The following CYFIP2 variants were observed in gnomAD, a reference collection of about 807,000 sequenced individuals.
The protein encoded by CYFIP2 is cytoplasmic FMR1 interacting protein 2.
Under a neutral mutation model 158.7 loss-of-function variants are expected in CYFIP2, and 29 were observed. The observed-to-expected ratio is 0.18, with a 90% CI of 0.14 to 0.25. The LOEUF is 0.25. Ranked by LOEUF, CYFIP2 falls within the 10% of genes least tolerant of loss-of-function variation. CYFIP2 has a pLI of 1.00. For missense variants in CYFIP2, 852 were observed against 1,639.5 expected (o/e 0.52, Z 8.29); for synonymous variants, 585 against 617.6 (o/e 0.95, Z 0.78).
chr5:157,326,330 C>A, intron 18 of CYFIP2, 63 bp downstream of exon 18: 2 of 1,366,506 alleles, frequency 1.5e-6, no homozygotes, highest in South Asian at 1.2e-5. Context: ...CTTTTCCAGT[C>A]TTTTGCTATT....
At chr5:157,365,556 A>G (rs1015762994) in intron 26 of CYFIP2, 2 of 152,068 alleles carry the variant, frequency 1.3e-5, no homozygotes, top group African/African-American at 4.8e-5. Context: ...GTTTCAATTA[A>G]TGTATTACAG....
At chr5:157,389,815 C>T (rs1420745695) in intron 29 of CYFIP2, among the ~76,000 whole-genome samples, 1 of 152,142 alleles carries the variant, frequency 6.6e-6, no homozygotes, top group Non-Finnish European at 1.5e-5. Context: ...GAGGAGGCTT[C>T]CTGGAGAAAG....
intron 16 of CYFIP2, among the ~76,000 whole-genome samples, chr5:157,324,538 A>G (rs755337966): frequency 6.6e-6 from 1 of 152,220 alleles, no homozygotes; most frequent in Non-Finnish European, 1.5e-5. Context: ...TCTCAGGAAC[A>G]TGAGTCTTCA....
At position 157,319,920 on chromosome 5, in the gene CYFIP2, C is replaced by G. The variant is rs770610650; in HGVS notation, c.1515C>G (p.Val505=). 2 of 1,613,938 alleles carry G rather than the reference C, an allele frequency of 1.2e-6. No homozygotes were observed. Among genetic ancestry groups the G allele is most frequent in the Admixed American group, 3.3e-5 (2 of 60,026 alleles). The part of the protein sequence containing the change: ...LRQAVRKKKN[V]LISVLQAIRK... Reference sequence around the variant, plus strand: ...AGGCGGTACGGAAGAAGAAGAATGTCCTCATCAGGTGGGTTTTCAGATGCC... The same window carrying G: ...AGGCGGTACGGAAGAAGAAGAATGTGCTCATCAGGTGGGTTTTCAGATGCC... Residue 505 remains valine (V), a synonymous_variant, in exon 14 of 31, where the codon GTC becomes GTG. Transcript: ENST00000620254.
chr5:157,298,085 G>T (rs1427947843), intron 5 of CYFIP2, among the ~76,000 whole-genome samples: 4 of 152,168 alleles, frequency 2.6e-5, no homozygotes, highest in African/African-American at 7.2e-5. Context: ...CTCAATCGGG[G>T]CCATCATTTC....
chr5:157,373,339 T>C (rs1765166388), intron 26 of CYFIP2, among the ~76,000 whole-genome samples: 1 of 152,192 alleles, frequency 6.6e-6, no homozygotes, highest in Non-Finnish European at 1.5e-5. Context: ...TTGTTGACAT[T>C]TACGACCTTG....
chr5:157,268,874 G>A (rs1755844611), intron 1 of CYFIP2, among the ~76,000 whole-genome samples: 1 of 152,200 alleles, frequency 6.6e-6, no homozygotes, highest in Admixed American at 6.5e-5. Context: ...GAGAAGGGGG[G>A]CAGGCTGCTG....
intron 26 of CYFIP2, among the ~76,000 whole-genome samples, chr5:157,379,159 G>T (rs1254979762): frequency 6.6e-6 from 1 of 151,982 alleles, no homozygotes; most frequent in East Asian, 1.9e-4. Flanking sequence ...GGAAAGATGA[G>T]ATTTTATCTC....
At chr5:157,284,802 C>G (rs983861603) in intron 1 of CYFIP2, among the ~76,000 whole-genome samples, 3 of 152,176 alleles carry the variant, frequency 2.0e-5, no homozygotes, top group Non-Finnish European at 4.4e-5. Flanking sequence ...GGTTGATTTG[C>G]AGGAATTGAG....
rs576683455 is a variant in CYFIP2, at chr5:157,376,774, C to T, written c.3040-5816C>T. The T allele has an allele frequency of 1.5e-5, 6 of 406,582 alleles. No homozygotes were observed. In the East Asian group the frequency reaches 4.7e-4, roughly 32 times the overall value. 25.2% of individuals were successfully genotyped at this position (406,582 alleles called of 1,614,324 possible). On this transcript the variant is annotated intron_variant, in intron 26 of 30. Transcript: ENST00000620254. ...ATGCAAACCTTGCACTTGCACAGTTCCTTTCCCCTGGGGTCAGCCTCCATC... is the reference window on the plus strand; with the variant it reads ...ATGCAAACCTTGCACTTGCACAGTTTCTTTCCCCTGGGGTCAGCCTCCATC...
intron 1 of CYFIP2, among the ~76,000 whole-genome samples, chr5:157,267,392 T>G (rs963111334): frequency 6.6e-6 from 1 of 152,180 alleles, no homozygotes; most frequent in African/African-American, 2.4e-5. Flanking sequence ...CTCACCTTAC[T>G]CTTGGATACA....
intron 19 of CYFIP2, among the ~76,000 whole-genome samples, chr5:157,329,827 T>C: frequency 6.6e-6 from 1 of 152,204 alleles, no homozygotes. Flanking sequence ...AGTGTAAATA[T>C]AGATGGTGTC....
intron 26 of CYFIP2, among the ~76,000 whole-genome samples, chr5:157,369,531 A>G (rs1764768660): frequency 6.6e-6 from 1 of 152,144 alleles, no homozygotes; most frequent in Non-Finnish European, 1.5e-5. Context: ...AATCCTCAAG[A>G]TACCACCATT....
chr5:157,293,057 T>TGTATGTAC (rs1757961921), intron 3 of CYFIP2, among the ~76,000 whole-genome samples: 1 of 151,728 alleles, frequency 6.6e-6, no homozygotes, highest in African/African-American at 2.4e-5. Flanking sequence ...TATGTATGTA[T>TGTATGTAC]GTATGTATGT....
At chr5:157,314,934 T>C (rs1324825699) in intron 12 of CYFIP2, 35 bp from the exon 13 acceptor site, 9 of 1,495,094 alleles carry the variant, frequency 6.0e-6, no homozygotes, top group East Asian at 4.9e-5. Flanking sequence ...CGTTCATCAG[T>C]TGATGGACGT....
Position 157,389,156 on chromosome 5 carries a change from G to A in CYFIP2, c.3208-33G>A, listed in dbSNP as rs774174395. ...AGGTGGCAGATGGGCTCTAAGATGT[G>A]GATAGAAGGTGTATGTGCCCTTCTG... On this transcript the variant is annotated intron_variant, in intron 28 of 30. Transcript: ENST00000620254. The A allele has an allele frequency of 1.1e-5, 17 of 1,559,620 alleles. No homozygotes were observed. The East Asian group carries it at 3.4e-4, about 31-fold the overall frequency.
At chr5:157,392,669 T>C (rs1209879528) in intron 30 of CYFIP2, among the ~76,000 whole-genome samples, 164 bp from the exon 31 acceptor site, 1 of 152,166 alleles carries the variant, frequency 6.6e-6, no homozygotes, top group Non-Finnish European at 1.5e-5. Flanking sequence ...TACGGTCCAG[T>C]TAACACTTGA....
At chr5:157,368,592 G>A (rs146146218) in intron 26 of CYFIP2, among the ~76,000 whole-genome samples, 2 of 152,320 alleles carry the variant, frequency 1.3e-5, no homozygotes, top group Non-Finnish European at 2.9e-5. Flanking sequence ...GTGGAATGGA[G>A]GCACTTTGAC....
intron 14 of CYFIP2, 66 bp from the exon 15 acceptor site, chr5:157,320,589 C>A: frequency 6.2e-7 from 1 of 1,600,486 alleles, no homozygotes; most frequent in Non-Finnish European, 8.5e-7. Flanking sequence ...GCCCTAGAAA[C>A]ACAAGCTTGT....
Sources: gnomAD v4.1 joint callset for allele counts (sites outside exome capture counted in the v4.1 genomes callset) on GRCh38, gnomAD v4.1.1 for gene constraint, MANE v1.5 for transcripts, NCBI Gene and HGNC (gene_info 2026-07-23, HGNC 2026-07-21) for gene names.